The following ABCA13 variants were observed in gnomAD, a reference collection of about 807,000 sequenced individuals.
ABCA13 encodes the protein ATP binding cassette subfamily A member 13.
ABCA13 carries 476 observed loss-of-function variants against 478.7 expected under a neutral mutation model. The ratio of observed to expected loss-of-function variants is 0.99; its 90% CI spans 0.92 to 1.07. The LOEUF (loss-of-function observed/expected upper bound fraction) is 1.07, where lower values mean the gene tolerates loss of function less well. Ranked by LOEUF, ABCA13 falls within the 50% of genes least tolerant of loss-of-function variation. ABCA13 has a pLI of 0.00. For missense variants in ABCA13, 6,060 were observed against 5,910.6 expected (o/e 1.03, Z -0.83); for synonymous variants, 2,252 against 2,158.9 (o/e 1.04, Z -1.20).
At chr7:48,563,009 A>G (rs1296494949) in intron 55 of ABCA13, among the ~76,000 whole-genome samples, 3 of 152,024 alleles carry the variant, frequency 2.0e-5, no homozygotes, top group South Asian at 4.1e-4. Context: ...ATGTGTGTAT[A>G]TATATTTATA....
intron 55 of ABCA13, among the ~76,000 whole-genome samples, chr7:48,530,638 C>A (rs1833167403): frequency 1.3e-5 from 2 of 152,202 alleles, no homozygotes; most frequent in Middle Eastern, 3.4e-3. Context: ...TTTACCACAT[C>A]CATGCCAACA....
intron 31 of ABCA13, among the ~76,000 whole-genome samples, chr7:48,357,109 T>C (rs1810053753): frequency 6.6e-6 from 1 of 151,862 alleles, no homozygotes. Context: ...TGATGTGTCT[T>C]GGGCAAAGTG....
chr7:48,446,340 T>C (rs1414541788), intron 42 of ABCA13, among the ~76,000 whole-genome samples: 1 of 151,238 alleles, frequency 6.6e-6, no homozygotes, highest in Non-Finnish European at 1.5e-5. Flanking sequence ...CTGAGTGATT[T>C]GGGGAGACAT....
At chr7:48,382,672 A>T (rs1814573812) in intron 35 of ABCA13, among the ~76,000 whole-genome samples, 1 of 151,668 alleles carries the variant, frequency 6.6e-6, no homozygotes, top group Non-Finnish European at 1.5e-5. Flanking sequence ...TTTCATTCTC[A>T]TTCCTTTTTC....
chr7:48,261,697 C>T (rs1794206502), intron 15 of ABCA13, among the ~76,000 whole-genome samples: 2 of 151,786 alleles, frequency 1.3e-5, no homozygotes, highest in South Asian at 4.1e-4. Flanking sequence ...GTTGCATCTT[C>T]TTTTATCACA....
intron 55 of ABCA13, among the ~76,000 whole-genome samples, chr7:48,562,952 A>G (rs1442480554): frequency 1.8e-5 from 2 of 109,862 alleles, no homozygotes; most frequent in East Asian, 2.5e-4. Context: ...ACATATATGT[A>G]TGTGTGTATA....
chr7:48,514,735 C>G (rs1014204168), intron 51 of ABCA13, among the ~76,000 whole-genome samples: 3 of 151,982 alleles, frequency 2.0e-5, no homozygotes, highest in African/African-American at 7.2e-5. Flanking sequence ...GGTTTGAATT[C>G]TCTCTGTGGT....
chr7:48,513,528 T>C (rs1831874128), intron 51 of ABCA13, among the ~76,000 whole-genome samples: 1 of 152,144 alleles, frequency 6.6e-6, no homozygotes, highest in Non-Finnish European at 1.5e-5. Flanking sequence ...TATTTACCGC[T>C]AAAAGATGAG....
chr7:48,520,755 A>C (rs1348934327), intron 53 of ABCA13, among the ~76,000 whole-genome samples: 1 of 152,158 alleles, frequency 6.6e-6, no homozygotes, highest in Non-Finnish European at 1.5e-5. Context: ...TCCTGTGTCC[A>C]AGTGTTCTCA....
intron 3 of ABCA13, among the ~76,000 whole-genome samples, chr7:48,202,713 T>C (rs535107331): frequency 2.0e-5 from 3 of 152,156 alleles, no homozygotes; most frequent in Admixed American, 2.0e-4. Context: ...AACCCTGAGC[T>C]AGACACAGGG....
At chr7:48,349,594 C>A (rs117550870) in intron 29 of ABCA13, among the ~76,000 whole-genome samples, 1 of 152,154 alleles carries the variant, frequency 6.6e-6, no homozygotes, top group African/African-American at 2.4e-5. Context: ...GCCAAGCAAG[C>A]AAAACCCAGA....
intron 29 of ABCA13, among the ~76,000 whole-genome samples, chr7:48,339,373 AAAG>A (rs1279804919): frequency 1.1e-4 from 16 of 152,250 alleles, no homozygotes; most frequent in Admixed American, 6.5e-5. Flanking sequence ...AACACCTTTA[AAAG>A]AAGAAGTAGC....
At chr7:48,610,215 A>G (rs1791892226) in intron 58 of ABCA13, among the ~76,000 whole-genome samples, 1 of 152,270 alleles carries the variant, frequency 6.6e-6, no homozygotes. Flanking sequence ...ACAAAAAGGA[A>G]GAAATCAGCT....
rs376392800 is a variant in ABCA13 at position 48,507,934 on chromosome 7, C to T, written c.13409C>T (p.Ser4470Phe). 235 of 1,613,440 alleles carry T rather than the reference C, an allele frequency of 1.5e-4. No individual in the cohort carries two copies. Among genetic ancestry groups the T allele is most frequent in the Non-Finnish European group, 1.9e-4 (219 of 1,179,726 alleles). Residue 4470 changes from serine (S) to phenylalanine (F), a missense_variant, in exon 50 of 62, where the codon TCT becomes TTT. By Grantham distance (155) the Ser-to-Phe change is radical. Around this residue, in one of 3 missense-constraint regions of ABCA13, gnomAD observed 1,627 missense variants for 1,571.0 expected, o/e 1.04. Coordinates refer to ENST00000435803, the MANE Select transcript of ABCA13 (RefSeq NM_152701.5). Reference sequence around the variant, plus strand: ...ATCGTGCTGGGATTCTCCATCCTGTCTGCATCCATCGGCAGCTCTGTGGTG... The same window carrying T: ...ATCGTGCTGGGATTCTCCATCCTGTTTGCATCCATCGGCAGCTCTGTGGTG... ...LCIVLGFSIL[S>F]ASIGSSVVRD...
chr7:48,333,147 C>T (rs1805668782), intron 27 of ABCA13, among the ~76,000 whole-genome samples: 1 of 152,132 alleles, frequency 6.6e-6, no homozygotes, highest in African/African-American at 2.4e-5. Flanking sequence ...CTCCTTTCTC[C>T]CTGTTGCACA....
intron 57 of ABCA13, among the ~76,000 whole-genome samples, chr7:48,593,681 A>G (rs1789993193): frequency 6.6e-6 from 1 of 151,416 alleles, no homozygotes; most frequent in Non-Finnish European, 1.5e-5. Context: ...TTTTTTTATA[A>G]GACAGGTATT....
intron 48 of ABCA13, among the ~76,000 whole-genome samples, chr7:48,490,317 C>T (rs1030393162): frequency 6.6e-6 from 1 of 152,196 alleles, no homozygotes; most frequent in Non-Finnish European, 1.5e-5. Flanking sequence ...AGATATTTAA[C>T]ATCCATGGTC....
chr7:48,314,991 T>C (rs992567748), intron 26 of ABCA13, among the ~76,000 whole-genome samples: 1 of 152,250 alleles, frequency 6.6e-6, no homozygotes, highest in Non-Finnish European at 1.5e-5. Flanking sequence ...TAAGTGAAGA[T>C]GTTTTTATTA....
rs765349564 is a variant in ABCA13, at chr7:48,271,889, G to T, written c.2223G>T (p.Glu741Asp). ...NFLLSFVEFFEKLLLPNLFDS... is the reference protein window; with the variant it reads ...NFLLSFVEFFDKLLLPNLFDS... ...TTTTATCATTTGTGGAATTTTTTGAGAAATTATTGTTGCCTAATCTTTTTG... is the reference window on the plus strand; with the variant it reads ...TTTTATCATTTGTGGAATTTTTTGATAAATTATTGTTGCCTAATCTTTTTG... The change falls in exon 17 of 62, where the codon GAG becomes GAT. Residue 741 changes from glutamate (E) to aspartate (D), a missense_variant. Around this residue, in one of 3 missense-constraint regions of ABCA13, gnomAD observed 4,423 missense variants for 4,309.1 expected, o/e 1.03. Transcript: ENST00000435803. 1.2e-6 allele frequency: 2 copies of T among 1,612,178 alleles called. No homozygotes were observed. The highest frequency in any genetic ancestry group is 1.7e-6 in the Non-Finnish European group (2 of 1,179,012).
Sources: gnomAD v4.1 joint callset for allele counts (sites outside exome capture counted in the v4.1 genomes callset) on GRCh38, gnomAD v4.1.1 for gene constraint, gnomAD v4.1.1 regional missense constraint, MANE v1.5 for transcripts, NCBI Gene and HGNC (gene_info 2026-07-23, HGNC 2026-07-21) for gene names.